SAMMSON: variants seen among roughly 807,000 people sequenced by gnomAD.
The protein encoded by SAMMSON is survival associated mitochondrial melanoma specific oncogenic non-coding RNA.
At chr3:70,055,843 T>C (rs1347016835) in intron 3 of SAMMSON, among the ~76,000 whole-genome samples, 1 of 152,066 alleles carries the variant, frequency 6.6e-6, no homozygotes, top group African/African-American at 2.4e-5. Context: ...GACTTTGAGC[T>C]CTTTGAGGAC....
intron 4 of SAMMSON, among the ~76,000 whole-genome samples, chr3:70,074,469 G>C (rs573442195): frequency 1.3e-5 from 2 of 152,194 alleles, no homozygotes; most frequent in East Asian, 1.9e-4. Context: ...CAGTTGTACT[G>C]TATTAGAGAC....
At chr3:70,051,845 C>G (rs183562920) in intron 3 of SAMMSON, among the ~76,000 whole-genome samples, 344 of 152,038 alleles carry the variant, frequency 2.3e-3, no homozygotes, top group African/African-American at 8.1e-3. Flanking sequence ...TGCATTTAAT[C>G]CCAGCACTTT....
At chr3:70,149,807 ATAG>A (rs1200444253) in intron 4 of SAMMSON, among the ~76,000 whole-genome samples, 4 of 152,082 alleles carry the variant, frequency 2.6e-5, no homozygotes, top group Non-Finnish European at 5.9e-5. Context: ...AAATTCCATC[ATAG>A]GTCTGTCCAT....
intron 3 of SAMMSON, among the ~76,000 whole-genome samples, chr3:70,020,293 G>T (rs1053949928): frequency 2.6e-5 from 4 of 152,076 alleles, no homozygotes; most frequent in Non-Finnish European, 5.9e-5. Context: ...AGAGCTAAGA[G>T]ATTAATGCAG....
chr3:70,280,765 G>A (rs577593288), intron 6 of SAMMSON, among the ~76,000 whole-genome samples: 166 of 152,138 alleles, frequency 1.1e-3, no homozygotes, highest in African/African-American at 3.9e-3. Context: ...TGTAAAACCC[G>A]GCCATAGAGA....
At chr3:70,180,183 A>G (rs375874728) in intron 4 of SAMMSON, among the ~76,000 whole-genome samples, 2 of 152,164 alleles carry the variant, frequency 1.3e-5, no homozygotes, top group African/African-American at 4.8e-5. Context: ...GAAACCTCAC[A>G]TAGATAACTT....
chr3:70,341,164 G>T (rs1334428498), intron 7 of SAMMSON, among the ~76,000 whole-genome samples: 1 of 151,966 alleles, frequency 6.6e-6, no homozygotes, highest in Non-Finnish European at 1.5e-5. Flanking sequence ...TTTCTTGATG[G>T]AATAAGTGGG....
At chr3:70,196,960 A>G in intron 4 of SAMMSON, 1 of 398,570 alleles carries the variant, frequency 2.5e-6, no homozygotes, top group South Asian at 1.3e-4. Context: ...CTCCATGGCC[A>G]GTTCCAGACA....
intron 3 of SAMMSON, among the ~76,000 whole-genome samples, chr3:70,016,776 A>C (rs1425261795): frequency 2.0e-5 from 3 of 152,174 alleles, no homozygotes; most frequent in Non-Finnish European, 4.4e-5. Context: ...AGGTGTAAGG[A>C]AGAGATCCAC....
At chr3:70,197,250 T>G (rs1220944346) in intron 4 of SAMMSON, 3 of 397,850 alleles carry the variant, frequency 7.5e-6, no homozygotes, top group Non-Finnish European at 1.3e-5. Context: ...GACAGGCATG[T>G]GTGCTGGGAT....
intron 2 of SAMMSON, among the ~76,000 whole-genome samples, chr3:70,413,255 A>G (rs1292252583): frequency 1.3e-5 from 2 of 152,124 alleles, no homozygotes; most frequent in Admixed American, 6.6e-5. Context: ...CCAGTGTTCA[A>G]TCTTTATTTT....
intron 1 of SAMMSON, among the ~76,000 whole-genome samples, chr3:70,010,696 T>C (rs2066950382): frequency 6.6e-6 from 1 of 151,546 alleles, no homozygotes. Context: ...TATAAAGAAC[T>C]TTTACTGCTT....
At chr3:70,396,332 T>C (rs1333454133) in intron 2 of SAMMSON, among the ~76,000 whole-genome samples, 1 of 152,216 alleles carries the variant, frequency 6.6e-6, no homozygotes, top group Non-Finnish European at 1.5e-5. Context: ...GATTTTCAAA[T>C]ATCATTCAGT....
intron 4 of SAMMSON, among the ~76,000 whole-genome samples, chr3:70,243,499 G>A (rs1346889020): frequency 5.9e-5 from 9 of 152,040 alleles, no homozygotes; most frequent in South Asian, 2.1e-4. Flanking sequence ...TGTAGTTTTC[G>A]TTTTTTGGCT....
At chr3:70,379,781 G>A (rs563406388) in intron 9 of SAMMSON, among the ~76,000 whole-genome samples, 6 of 152,114 alleles carry the variant, frequency 3.9e-5, no homozygotes, top group African/African-American at 1.4e-4. Flanking sequence ...GAGAAAAAAA[G>A]CAAAGTGCAA....
At chr3:70,413,246 C>T (rs187288146) in intron 2 of SAMMSON, among the ~76,000 whole-genome samples, 1 of 152,238 alleles carries the variant, frequency 6.6e-6, no homozygotes, top group East Asian at 1.9e-4. Context: ...TAATCTGCTC[C>T]AGTGTTCAAT....
At chr3:70,283,552 C>T (rs1182251891) in intron 6 of SAMMSON, 1 of 152,114 alleles carries the variant, frequency 6.6e-6, no homozygotes, top group Admixed American at 6.6e-5. Context: ...ATGTCAGCCT[C>T]CCCTAGCCTC....
At chr3:70,071,614 C>T (rs2067230301) in intron 4 of SAMMSON, 1 of 151,932 alleles carries the variant, frequency 6.6e-6, no homozygotes, top group African/African-American at 2.4e-5. Flanking sequence ...AATCAGATAC[C>T]TGTTCTCCCT....
chr3:70,278,302 C>T (rs923050467), intron 6 of SAMMSON, among the ~76,000 whole-genome samples: 1 of 152,164 alleles, frequency 6.6e-6, no homozygotes, highest in African/African-American at 2.4e-5. Context: ...GACAGGACTA[C>T]ATATGTGTAT....
Sources: allele counts gnomAD v4.1 joint callset (sites outside exome capture counted in the v4.1 genomes callset), GRCh38; gene constraint gnomAD v4.1.1; transcripts MANE v1.5; gene names NCBI Gene and HGNC (gene_info 2026-07-23, HGNC 2026-07-21).